ASH1L: variants seen among roughly 807,000 people sequenced by gnomAD.
The protein encoded by ASH1L is histone-lysine N-methyltransferase ASH1L.
In ASH1L, 23 loss-of-function variants were observed where a neutral mutation model predicts 269.0. The ratio of observed to expected loss-of-function variants is 0.09; its 90% CI spans 0.06 to 0.12. The LOEUF (loss-of-function observed/expected upper bound fraction) is 0.12, where lower values mean the gene tolerates loss of function less well. Ranked by LOEUF, ASH1L falls within the 10% of genes least tolerant of loss-of-function variation. ASH1L has a pLI of 1.00. For synonymous variants in ASH1L, 1,187 were observed against 1,253.5 expected, an observed-to-expected ratio of 0.95 and a Z score of 1.12; for missense variants, 2,912 against 3,567.8, an observed-to-expected ratio of 0.82 and a Z score of 4.68.
chr1:155,476,153 G>A (rs1248698349), intron 3 of ASH1L, among the ~76,000 whole-genome samples: 2 of 152,138 alleles, frequency 1.3e-5, no homozygotes, highest in Admixed American at 6.5e-5. Context: ...TTGGGAGGCC[G>A]AGGTGGGCGG....
intron 5 of ASH1L, among the ~76,000 whole-genome samples, chr1:155,423,792 G>A (rs1051336282): frequency 1.3e-5 from 2 of 152,116 alleles, no homozygotes; most frequent in Non-Finnish European, 2.9e-5. Context: ...ATGCAATGGC[G>A]TGATTCGGCG....
In ASH1L at chr1:155,479,060, T is replaced by C; in HGVS notation, c.3810A>G (p.Arg1270=). ...LSYDKMKRQK[R]KRKKKYPQLR... ...GCTGGGGATATTTCTTTTTCCGTTT[T>C]CGTTTCTGCCTTTTCATCTTGTCAT... Residue 1270 remains arginine, a synonymous_variant, in exon 3 of 28, where the codon CGA becomes CGG. Transcript: ENST00000392403. 6.2e-7 allele frequency: 1 copy of C among 1,614,134 alleles called. No individual in the cohort carries two copies. The highest frequency in any genetic ancestry group is 8.5e-7 in the Non-Finnish European group (1 of 1,180,036).
intron 16 of ASH1L, 56 bp downstream of exon 16, chr1:155,354,417 T>C (rs1313361046): frequency 8.5e-6 from 13 of 1,529,206 alleles, no homozygotes; most frequent in South Asian, 2.5e-5. Context: ...CACTCCAGTC[T>C]GGGCAACAAG....
intron 5 of ASH1L, among the ~76,000 whole-genome samples, chr1:155,430,268 A>C (rs1321693733): frequency 6.6e-6 from 1 of 152,006 alleles, no homozygotes; most frequent in Non-Finnish European, 1.5e-5. Context: ...GAGCCACCTC[A>C]TCTGGCCTGT....
intron 2 of ASH1L, among the ~76,000 whole-genome samples, chr1:155,515,490 T>C (rs1668441869): frequency 1.3e-5 from 2 of 152,150 alleles, no homozygotes; most frequent in African/African-American, 2.4e-5. Flanking sequence ...GTTCCTATTT[T>C]GATTAATAAA....
intron 7 of ASH1L, among the ~76,000 whole-genome samples, chr1:155,391,383 T>A (rs989284573): frequency 1.3e-5 from 2 of 152,248 alleles, no homozygotes; most frequent in African/African-American, 4.8e-5. Context: ...TTGTTCATTT[T>A]AAAATTTTTA....
At chr1:155,471,429 C>A (rs1665089451) in intron 3 of ASH1L, among the ~76,000 whole-genome samples, 1 of 152,164 alleles carries the variant, frequency 6.6e-6, no homozygotes, top group Non-Finnish European at 1.5e-5. Context: ...GAGTGGAGAA[C>A]TGAAAATTGA....
At chr1:155,339,875 A>G (rs1022415697) in intron 25 of ASH1L, among the ~76,000 whole-genome samples, 4 of 152,198 alleles carry the variant, frequency 2.6e-5, no homozygotes, top group Non-Finnish European at 5.9e-5. Flanking sequence ...AAGGTATTAC[A>G]TTGCAGTATG....
chr1:155,343,382 T>C lies in ASH1L; in HGVS notation c.8225A>G (p.Tyr2742Cys). The stretch of plus-strand genomic sequence containing the variant: ...TACAGCCTCCAAGGGAATGATCTCA[T>C]AGAGTGGCACCCGAAATAGTTCATT... Reference protein sequence around the residue: ...YHNELFRVPLYEIIPLEAVVG... With the variant: ...YHNELFRVPLCEIIPLEAVVG... Residue 2742 changes from tyrosine (Y) to cysteine (C), a missense_variant, in exon 24 of 28, where the codon TAT (tyrosine) becomes TGT (cysteine). Physicochemically the swap from Tyr to Cys is radical, Grantham distance 194 (BLOSUM62 -2). Around this residue, in one of 13 missense-constraint regions of ASH1L, gnomAD observed 179 missense variants for 293.8 expected, o/e 0.61. Coordinates refer to ENST00000392403, the MANE Select transcript of ASH1L (RefSeq NM_018489.3). This position sits in a 1 kb window ranked among gnomAD's most constrained non-coding sequence, Gnocchi z 6.1. The C allele has an allele frequency of 1.9e-6, 3 of 1,614,136 alleles. No individual in the cohort carries two copies. The highest frequency in any genetic ancestry group is 1.1e-5 in the South Asian group (1 of 91,080).
At chr1:155,353,248 A>G (rs1654085928) in intron 16 of ASH1L, among the ~76,000 whole-genome samples, 1 of 152,228 alleles carries the variant, frequency 6.6e-6, no homozygotes. Flanking sequence ...TCATAAGGAA[A>G]TAATGCAGGT....
chr1:155,341,211 C>G (rs1652766475), intron 25 of ASH1L, among the ~76,000 whole-genome samples: 2 of 149,770 alleles, frequency 1.3e-5, no homozygotes, highest in South Asian at 2.1e-4. Context: ...GAGTCTCGCT[C>G]TGTCACCCAG....
intron 14 of ASH1L, 39 bp downstream of exon 14, chr1:155,357,546 T>C (rs1654528179): frequency 2.5e-6 from 4 of 1,612,608 alleles, no homozygotes; most frequent in Non-Finnish European, 1.7e-6. Context: ...AAGCATCTCA[T>C]GAACAGCTTT....
intron 21 of ASH1L, among the ~76,000 whole-genome samples, chr1:155,345,242 G>A (rs556360910): frequency 1.4e-5 from 2 of 142,904 alleles, no homozygotes; most frequent in East Asian, 4.3e-4. Context: ...GTGCAGTGGC[G>A]TGATCTTGGC....
chr1:155,481,241 A>G lies in ASH1L; in HGVS notation c.1629T>C (p.Ala543=). ...KMGGASDVST[A]KSPFSAVGES... ...CTCCTACTGCACTGAATGGGGATTT[A>G]GCGGTAGATACATCAGAAGCACCTC... is the stretch of plus-strand genomic sequence containing the variant. Residue 543 remains alanine (A), a synonymous_variant, in exon 3 of 28, where the codon GCT becomes GCC. Coordinates refer to ENST00000392403, the MANE Select transcript of ASH1L (RefSeq NM_018489.3). 6.2e-7 allele frequency: 1 copy of G among 1,614,148 alleles called. No individual in the cohort carries two copies. The highest frequency in any genetic ancestry group is 2.2e-5 in the East Asian group (1 of 44,884).
At chr1:155,427,503 C>T (rs1055206547) in intron 5 of ASH1L, among the ~76,000 whole-genome samples, 2 of 151,984 alleles carry the variant, frequency 1.3e-5, no homozygotes. Context: ...AGGGTTTCGC[C>T]GTGTTGGCCA....
chr1:155,425,894 GT>G (rs35782870), intron 5 of ASH1L, among the ~76,000 whole-genome samples: 1,548 of 143,500 alleles, frequency 0.011, 30 homozygotes, highest in African/African-American at 0.037. Context: ...TTTTTGTGGT[GT>G]TTTTTTTTTT....
At chr1:155,560,634 C>T (rs1026375337) in intron 1 of ASH1L, among the ~76,000 whole-genome samples, 11 of 152,148 alleles carry the variant, frequency 7.2e-5, no homozygotes, top group African/African-American at 1.7e-4. Context: ...TATCCTCACG[C>T]CAAGGCATGG....
chr1:155,399,971 A>G (rs536203266), intron 6 of ASH1L, among the ~76,000 whole-genome samples: 1 of 152,280 alleles, frequency 6.6e-6, no homozygotes, highest in South Asian at 2.1e-4. Context: ...TACACAAGAT[A>G]AGGGTGGGAC....
At chr1:155,417,740 CCT>C in intron 5 of ASH1L, among the ~76,000 whole-genome samples, 1 of 152,138 alleles carries the variant, frequency 6.6e-6, no homozygotes, top group Non-Finnish European at 1.5e-5. Flanking sequence ...AGGCGGATCA[CCT>C]GAGGTCGGGA....
Sources: gnomAD v4.1 joint callset for allele counts (sites outside exome capture counted in the v4.1 genomes callset) on GRCh38, gnomAD v4.1.1 for gene constraint, gnomAD v4.1.1 regional missense constraint, Gnocchi (gnomAD v3.1) non-coding constraint, MANE v1.5 for transcripts, NCBI Gene and HGNC (gene_info 2026-07-23, HGNC 2026-07-21) for gene names.